Variants in ZNF385D observed in about 807,000 individuals in gnomAD.
ZNF385D encodes the protein zinc finger protein 659.
In ZNF385D, 15 loss-of-function variants were observed where a neutral mutation model predicts 35.8. The ratio of observed to expected loss-of-function variants is 0.42; its 90% CI spans 0.28 to 0.64. ZNF385D has a LOEUF of 0.64. Ranked by LOEUF, ZNF385D falls within the 30% of genes least tolerant of loss-of-function variation. The pLI is 0.23. For missense variants in ZNF385D, 474 were observed against 494.6 expected (o/e 0.96, Z 0.39); for synonymous variants, 212 against 186.8 (o/e 1.13, Z -1.10).
At chr3:21,933,095 C>T (rs1385525419) in intron 3 of ZNF385D, among the ~76,000 whole-genome samples, 1 of 152,106 alleles carries the variant, frequency 6.6e-6, no homozygotes, top group Non-Finnish European at 1.5e-5. Context: ...GTGCCATTTC[C>T]CTGTGTGGTG....
In ZNF385D at chr3:22,149,309, T is replaced by C. The variant is rs78006581; in HGVS notation, c.325+19508A>G. Among the ~76,000 whole-genome samples, 1,288 of 152,268 alleles carry C rather than the reference T, an allele frequency of 8.5e-3. 52 individuals are homozygous for C. In the East Asian group the frequency reaches 0.12, roughly 15 times the overall value. On this transcript the variant is annotated intron_variant, in intron 3 of 5. Coordinates refer to the ZNF385D transcript ENST00000494108. Reference sequence around the variant, plus strand: ...GATTGTAGCATTTAACAAGAACTAATAGTAATTACAGATAACACTTATTTT... The same window carrying C: ...GATTGTAGCATTTAACAAGAACTAACAGTAATTACAGATAACACTTATTTT...
intron 2 of ZNF385D, among the ~76,000 whole-genome samples, chr3:22,186,111 G>A (rs1025619349): frequency 2.0e-5 from 3 of 152,134 alleles, no homozygotes; most frequent in African/African-American, 7.2e-5. Flanking sequence ...TTTGCATTCT[G>A]ATTGCTTAAT....
chr3:22,214,820 C>T (rs1279890576), intron 2 of ZNF385D, among the ~76,000 whole-genome samples: 4 of 152,044 alleles, frequency 2.6e-5, no homozygotes, highest in African/African-American at 4.8e-5. Flanking sequence ...TTTAATTTTG[C>T]CCTGGTCCTG....
intron 4 of ZNF385D, among the ~76,000 whole-genome samples, chr3:21,438,377 A>T (rs901299670): frequency 5.3e-5 from 8 of 152,216 alleles, no homozygotes; most frequent in Admixed American, 5.2e-4. Context: ...TGATAAAGAG[A>T]CTTGGCCAGG....
chr3:21,597,561 T>C (rs2064160895), intron 2 of ZNF385D, among the ~76,000 whole-genome samples: 1 of 152,052 alleles, frequency 6.6e-6, no homozygotes, highest in Admixed American at 6.6e-5. Context: ...AAAACAGTTT[T>C]AAAGCTCAGA....
intron 3 of ZNF385D, among the ~76,000 whole-genome samples, chr3:21,831,824 G>A (rs922601615): frequency 6.6e-6 from 1 of 151,994 alleles, no homozygotes; most frequent in South Asian, 2.1e-4. Flanking sequence ...CCTGTATTTT[G>A]GCTATTTTAT....
At chr3:21,813,547 C>T (rs184003984) in intron 3 of ZNF385D, among the ~76,000 whole-genome samples, 40 of 152,096 alleles carry the variant, frequency 2.6e-4, no homozygotes, top group Admixed American at 1.1e-3. Context: ...GAGAATTATG[C>T]GACTCATGCA....
intron 3 of ZNF385D, among the ~76,000 whole-genome samples, chr3:22,095,260 C>A (rs1701553029): frequency 1.3e-5 from 2 of 151,802 alleles, no homozygotes; most frequent in Non-Finnish European, 2.9e-5. Flanking sequence ...TAAACAATCT[C>A]AGTATAAATC....
At chr3:21,958,167 T>C (rs750381919) in intron 3 of ZNF385D, among the ~76,000 whole-genome samples, 2 of 152,172 alleles carry the variant, frequency 1.3e-5, no homozygotes, top group South Asian at 2.1e-4. Context: ...CTAAGCCTTG[T>C]AGATCATATT....
At chr3:22,042,156 C>T (rs999162512) in intron 3 of ZNF385D, among the ~76,000 whole-genome samples, 7 of 152,068 alleles carry the variant, frequency 4.6e-5, no homozygotes, top group African/African-American at 1.4e-4. Context: ...TTCAAGGAAT[C>T]CTACTACCTG....
At chr3:22,330,086 G>C (rs1694867434) in intron 2 of ZNF385D, among the ~76,000 whole-genome samples, 1 of 152,000 alleles carries the variant, frequency 6.6e-6, no homozygotes, top group Non-Finnish European at 1.5e-5. Flanking sequence ...TTTAAACTGA[G>C]CTAACTCTAG....
chr3:21,972,038 C>T (rs649401), intron 3 of ZNF385D, among the ~76,000 whole-genome samples: 125,586 of 151,884 alleles, frequency 0.83, 52,887 homozygotes, highest in African/African-American at 0.96. Flanking sequence ...TTTTCAGCAG[C>T]GGAAAAATCA....
chr3:21,568,764 G>A (rs1020498423), intron 2 of ZNF385D, among the ~76,000 whole-genome samples: 1 of 152,048 alleles, frequency 6.6e-6, no homozygotes, highest in Non-Finnish European at 1.5e-5. Flanking sequence ...CAATGCATAC[G>A]TTTTAGAAAA....
intron 3 of ZNF385D, among the ~76,000 whole-genome samples, chr3:21,818,769 A>G (rs138466770): frequency 6.6e-6 from 1 of 152,064 alleles, no homozygotes; most frequent in Non-Finnish European, 1.5e-5. Context: ...TTCATTATCC[A>G]AATATATTTT....
intron 3 of ZNF385D, among the ~76,000 whole-genome samples, chr3:21,918,841 A>C (rs916094832): frequency 2.6e-5 from 4 of 152,258 alleles, no homozygotes; most frequent in Middle Eastern, 3.4e-3. Context: ...CTTGACAGCG[A>C]GATCTCGTGA....
intron 2 of ZNF385D, among the ~76,000 whole-genome samples, chr3:22,289,889 G>A (rs1263207891): frequency 6.6e-6 from 1 of 152,138 alleles, no homozygotes; most frequent in Non-Finnish European, 1.5e-5. Flanking sequence ...TAGTATGTCA[G>A]CTCAGTTAAC....
chr3:21,920,934 G>A (rs1456643709), intron 3 of ZNF385D, among the ~76,000 whole-genome samples: 1 of 151,988 alleles, frequency 6.6e-6, no homozygotes, highest in African/African-American at 2.4e-5. Context: ...ACAAACACTG[G>A]GTAAGGCGCA....
intron 3 of ZNF385D, among the ~76,000 whole-genome samples, chr3:21,838,113 A>G (rs1477694196): frequency 1.3e-5 from 2 of 152,124 alleles, no homozygotes; most frequent in African/African-American, 4.8e-5. Context: ...AAGATTAACA[A>G]TGAATTCCCA....
intron 2 of ZNF385D, among the ~76,000 whole-genome samples, chr3:22,360,372 T>C (rs1285849651): frequency 6.6e-6 from 1 of 151,890 alleles, no homozygotes; most frequent in Non-Finnish European, 1.5e-5. Flanking sequence ...CACATTATAC[T>C]CCCATCCATA....
Sources: allele counts gnomAD v4.1 joint callset (sites outside exome capture counted in the v4.1 genomes callset), GRCh38; gene constraint gnomAD v4.1.1; transcripts MANE v1.5; gene names NCBI Gene and HGNC (gene_info 2026-07-23, HGNC 2026-07-21).